PLCG2: variants seen among roughly 807,000 people sequenced by gnomAD.
PLCG2 encodes 1-phosphatidylinositol 4,5-bisphosphate phosphodiesterase gamma-2.
PLCG2 carries 69 observed loss-of-function variants against 175.6 expected under a neutral mutation model. The observed-to-expected ratio is 0.39, with a 90% CI of 0.32 to 0.48. PLCG2 has a LOEUF of 0.48. PLCG2 is among the 20% of genes least tolerant of loss of function. The probability of loss-of-function intolerance (pLI) is 0.91; values close to 1 mark genes in which losing one functional copy is unlikely to be tolerated. For synonymous variants in PLCG2, 827 were observed against 624.0 expected, an observed-to-expected ratio of 1.33 and a Z score of -4.85; for missense variants, 1,798 against 1,650.9, an observed-to-expected ratio of 1.09 and a Z score of -1.54.
intron 2 of PLCG2, among the ~76,000 whole-genome samples, chr16:81,853,683 G>A (rs1426771339): frequency 6.6e-6 from 1 of 152,140 alleles, no homozygotes; most frequent in Non-Finnish European, 1.5e-5. Context: ...ATGGCCTGGG[G>A]GTTGGGGAAT....
intron 20 of PLCG2, 111 bp downstream of exon 20, chr16:81,919,775 T>C (rs943444013): frequency 3.6e-6 from 3 of 826,190 alleles, no homozygotes; most frequent in Admixed American, 2.4e-5. Context: ...CTGATACTGC[T>C]GTAGGTCCTG....
intron 12 of PLCG2, among the ~76,000 whole-genome samples, chr16:81,895,097 A>T (rs988336792): frequency 2.0e-5 from 3 of 152,210 alleles, no homozygotes; most frequent in African/African-American, 7.2e-5. Context: ...GGTCCAAAAG[A>T]TTGGGGATGT....
chr16:81,936,354 G>A lies in PLCG2; in HGVS notation c.3028G>A (p.Val1010Met). The stretch of plus-strand genomic sequence containing the variant: ...CCTCTGGCTGTGCGGTTCTCAGATG[G>A]TGGCACTCAATTTCCAGACGGCAGG... ...FRLWLCGSQM[V>M]ALNFQTADKY... Residue 1010 changes from valine (V) to methionine (M), a missense_variant, in exon 27 of 33, where the codon GTG (valine) becomes ATG (methionine). Val to Met is a conservative substitution (Grantham distance 21). Coordinates refer to ENST00000564138, the MANE Select transcript of PLCG2 (RefSeq NM_002661.5). 6.2e-7 allele frequency: 1 copy of A among 1,614,006 alleles called. No homozygotes were observed. The highest frequency in any genetic ancestry group is 8.5e-7 in the Non-Finnish European group (1 of 1,180,026).
chr16:81,962,006 G>GGT lies in PLCG2; in HGVS notation c.*4009_*4010insTG, dbSNP rs1881983626. ...ATTCGGCTGATCTGGCTGGCTAGGT[G>GGT]GGTGTCCCCTTCCTACCTCACCGCT... On this transcript the variant is annotated 3_prime_UTR_variant, in exon 33 of 33. Transcript: ENST00000564138. The GGT allele has an allele frequency of 1.0e-5, 2 of 194,666 alleles. No individual in the cohort carries two copies. The highest frequency in any genetic ancestry group is 2.2e-5 in the Non-Finnish European group (2 of 91,498). 12.1% of individuals were successfully genotyped at this position (194,666 alleles called of 1,614,324 possible).
At chr16:81,950,853 T>C (rs1414311116) in intron 31 of PLCG2, among the ~76,000 whole-genome samples, 1 of 152,256 alleles carries the variant, frequency 6.6e-6, no homozygotes, top group East Asian at 1.9e-4. Flanking sequence ...ACGTATGTAC[T>C]ACTAAGTATT....
intron 5 of PLCG2, among the ~76,000 whole-genome samples, chr16:81,860,320 T>G (rs1195289253): frequency 6.6e-6 from 1 of 152,104 alleles, no homozygotes; most frequent in East Asian, 1.9e-4. Flanking sequence ...TCCCAATCCT[T>G]TATCATTACT....
At chr16:81,895,250 G>A (rs912451222) in intron 12 of PLCG2, among the ~76,000 whole-genome samples, 2 of 152,174 alleles carry the variant, frequency 1.3e-5, no homozygotes, top group African/African-American at 4.8e-5. Flanking sequence ...AAAACACGTG[G>A]TAAAATCTTC....
At position 81,870,917 on chromosome 16, in the gene PLCG2, G is replaced by A. The variant is rs1907484248; in HGVS notation, c.630G>A (p.Met210Ile). ...EQFHLFYKKLMFEQQKSILDE... is the reference protein window; with the variant it reads ...EQFHLFYKKLIFEQQKSILDE... Reference sequence around the variant, plus strand: ...TCCATCTCTTCTATAAAAAACTTATGTTTGAACAGCAAAAATCGGTAAGAT... The same window carrying A: ...TCCATCTCTTCTATAAAAAACTTATATTTGAACAGCAAAAATCGGTAAGAT... The change falls in exon 7 of 33, where the codon ATG becomes ATA. Residue 210 changes from methionine (M) to isoleucine (I), a missense_variant. Physicochemically the swap from Met to Ile is conservative, Grantham distance 10. Transcript: ENST00000564138. 1.9e-6 allele frequency: 3 copies of A among 1,587,244 alleles called. No individual in the cohort carries two copies. The highest frequency in any genetic ancestry group is 2.7e-5 in the African/African-American group (2 of 74,240).
chr16:81,798,548 C>G (rs923029428), intron 2 of PLCG2: 1 of 152,246 alleles, frequency 6.6e-6, no homozygotes, highest in African/African-American at 2.4e-5. Context: ...CACATCACAG[C>G]CTGGGGGCCA....
intron 2 of PLCG2, among the ~76,000 whole-genome samples, chr16:81,849,854 CAGAAAG>C (rs1906318630): frequency 6.7e-6 from 1 of 148,698 alleles, no homozygotes; most frequent in South Asian, 2.1e-4. Context: ...TTAGACTAGA[CAGAAAG>C]AGAAAAGAAT....
rs12921764 is a variant in PLCG2, at chr16:81,885,309, C to A, written c.765+1968C>A. ...AAAGTGCTGGGATTACAGGTGTGAGCCACCACGCCCAGCCCCGACTAATTT... is the reference window on the plus strand; with the variant it reads ...AAAGTGCTGGGATTACAGGTGTGAGACACCACGCCCAGCCCCGACTAATTT... On this transcript the variant is annotated intron_variant, in intron 9 of 32. Coordinates refer to ENST00000564138, the MANE Select transcript of PLCG2 (RefSeq NM_002661.5). Among the ~76,000 whole-genome samples the A allele has an allele frequency of 9.4e-3, 1,309 of 138,632 alleles. 9 individuals are homozygous for A. Among genetic ancestry groups the A allele is most frequent in the Non-Finnish European group, 0.014 (896 of 64,436 alleles). 90.9% of individuals were successfully genotyped at this position (138,632 alleles called of 152,430 possible). A position where few individuals can be genotyped will look rare whatever the true frequency, so the allele number is the denominator to read the frequency against.
rs1362090127 is a variant in PLCG2, at chr16:81,891,528, G to A, written c.924G>A (p.Ala308=). The A allele has an allele frequency of 5.0e-6, 8 of 1,612,728 alleles. No homozygotes were observed. Among genetic ancestry groups the A allele is most frequent in the East Asian group, 2.2e-5 (1 of 44,870 alleles). ...GCATCTGGGATGAGAAGTATGACGC[G>A]GTGGACATGCAGGACATGAACAACC... The part of the protein sequence containing the change: ...ENSIWDEKYD[A]VDMQDMNNPL... Residue 308 remains alanine, a synonymous_variant, in exon 11 of 33, where the codon GCG becomes GCA. Coordinates refer to ENST00000564138, the MANE Select transcript of PLCG2 (RefSeq NM_002661.5).
intron 22 of PLCG2, 66 bp from the exon 23 acceptor site, chr16:81,927,016 A>G (rs1910301836): frequency 1.0e-6 from 1 of 1,002,204 alleles, no homozygotes. Flanking sequence ...CCGGGTGCAG[A>G]TGAGCAGTAG....
At chr16:81,941,112 T>A (rs549873647) in intron 30 of PLCG2, among the ~76,000 whole-genome samples, 1 of 152,224 alleles carries the variant, frequency 6.6e-6, no homozygotes, top group East Asian at 1.9e-4. Flanking sequence ...AAGAGCTGAA[T>A]TGGATCTTTT....
intron 31 of PLCG2, among the ~76,000 whole-genome samples, chr16:81,948,886 T>TAGGTACACACCTGGAAC (rs1911258447): frequency 6.6e-6 from 1 of 152,180 alleles, no homozygotes. Context: ...ACACCTGGAA[T>TAGGTACACACCTGGAAC]AGATGGCTGG....
intron 2 of PLCG2, among the ~76,000 whole-genome samples, chr16:81,833,403 C>T (rs1371466298): frequency 6.6e-6 from 1 of 151,852 alleles, no homozygotes; most frequent in Non-Finnish European, 1.5e-5. Flanking sequence ...AGTATTCTGG[C>T]CCGGGGTGGC....
At chr16:81,799,330 G>T (rs1911617462) in intron 2 of PLCG2, among the ~76,000 whole-genome samples, 2 of 151,648 alleles carry the variant, frequency 1.3e-5, no homozygotes, top group Admixed American at 1.3e-4. Context: ...TTCACAACAT[G>T]CGACCCTTTT....
chr16:81,921,145 G>A, intron 20 of PLCG2, 53 bp from the exon 21 acceptor site: 1 of 1,085,390 alleles, frequency 9.2e-7, no homozygotes, highest in South Asian at 1.3e-5. Context: ...TATATGTAAG[G>A]GCTATTCCAG....
chr16:81,776,926 A>G (rs1485232392), upstream of PLCG2, among the ~76,000 whole-genome samples: 1 of 152,310 alleles, frequency 6.6e-6, no homozygotes, highest in Non-Finnish European at 1.5e-5. Flanking sequence ...CTCTCTTTCA[A>G]TCCACTGATT....
Sources: gnomAD v4.1 joint callset for allele counts (sites outside exome capture counted in the v4.1 genomes callset) on GRCh38, gnomAD v4.1.1 for gene constraint, MANE v1.5 for transcripts, NCBI Gene and HGNC (gene_info 2026-07-23, HGNC 2026-07-21) for gene names.